The following TCF4 variants were observed in gnomAD, a reference collection of about 807,000 sequenced individuals.
TCF4 encodes SL3-3 enhancer factor 2.
In TCF4, 3 loss-of-function variants were observed where a neutral mutation model predicts 82.1. The ratio of observed to expected loss-of-function variants is 0.04; its 90% CI spans 0.02 to 0.09. TCF4 has a LOEUF of 0.09. Among genes scored for constraint, TCF4 ranks in the 10% least tolerant of loss-of-function variants. The probability of loss-of-function intolerance (pLI) is 1.00; values close to 1 mark genes in which losing one functional copy is unlikely to be tolerated. For synonymous variants in TCF4, 276 were observed against 309.6 expected, an observed-to-expected ratio of 0.89 and a Z score of 1.14; for missense variants, 518 against 852.7, an observed-to-expected ratio of 0.61 and a Z score of 4.89.
chr18:55,224,545 T>C lies in TCF4; in HGVS notation c.*3490A>G, dbSNP rs2046341134. On this transcript the variant is annotated 3_prime_UTR_variant, in exon 20 of 20. Transcript: ENST00000354452. ...TTGGACACAGATCATATTCTGCCTG[T>C]TGGATGCAAAAGATGAAAATCCTCT... 6.6e-6 allele frequency: 1 copy of C among 152,532 alleles called. No homozygotes were observed. Among genetic ancestry groups the C allele is most frequent in the Non-Finnish European group, 1.5e-5 (1 of 68,024 alleles). The allele number at this position is 152,532 out of a possible 1,614,324, so 9.4% of individuals were successfully genotyped here.
chr18:55,546,134 G>C (rs2097205116), intron 3 of TCF4, among the ~76,000 whole-genome samples: 1 of 152,116 alleles, frequency 6.6e-6, no homozygotes, highest in Non-Finnish European at 1.5e-5. Flanking sequence ...CCAGGAGTAA[G>C]AGACCAGCCT....
intron 5 of TCF4, among the ~76,000 whole-genome samples, chr18:55,432,918 A>G (rs564868477): frequency 6.6e-6 from 1 of 152,330 alleles, no homozygotes; most frequent in East Asian, 1.9e-4. Flanking sequence ...ATTAAAAAAT[A>G]ATGATGACAA....
rs1318350095 is a variant in TCF4 at position 55,222,786 on chromosome 18, A to C, written c.*5249T>G. The C allele has an allele frequency of 6.6e-6, 1 of 152,656 alleles. No homozygotes were observed. The highest frequency in any genetic ancestry group is 6.5e-5 in the Admixed American group (1 of 15,282). The allele number at this position is 152,656 out of a possible 1,614,324, so 9.5% of individuals were successfully genotyped here. On this transcript the variant is annotated 3_prime_UTR_variant, in exon 20 of 20. Coordinates refer to ENST00000354452, the MANE Select transcript of TCF4 (RefSeq NM_001083962.2). ...CTACAAAAATATTAACTTACAGTAC[A>C]TAACACTGAATAATTTTAATCTGTA... is the stretch of plus-strand genomic sequence containing the variant.
intron 2 of TCF4, chr18:55,586,160 AG>A (rs2097646979): frequency 4.7e-6 from 1 of 213,652 alleles, no homozygotes; most frequent in Admixed American, 1.6e-4. Flanking sequence ...GAGGAGCAGC[AG>A]CAGCAGCAGC....
At chr18:55,587,958 C>A (rs1465862130) in intron 1 of TCF4, 80 bp downstream of exon 1, 2 of 946,906 alleles carry the variant, frequency 2.1e-6, no homozygotes, top group Non-Finnish European at 2.5e-6. Context: ...GGCGCGGAGC[C>A]GCGTGCGGGG....
At chr18:55,279,440 A>T in intron 9 of TCF4, 111 bp downstream of exon 9, 1 of 1,528,924 alleles carries the variant, frequency 6.5e-7, no homozygotes, top group Non-Finnish European at 8.9e-7. Flanking sequence ...GCATGACTTC[A>T]AAAATTCTAC....
In TCF4 at chr18:55,526,297, C is replaced by T. The variant is rs554486932; in HGVS notation, c.145+58983G>A. On this transcript the variant is annotated intron_variant, in intron 3 of 19. Coordinates refer to ENST00000354452, the MANE Select transcript of TCF4 (RefSeq NM_001083962.2). ...TTCAGAAACATCACCATAATCCAAACCATTAATATCCAGTGCATAACCCAG... is the reference window on the plus strand; with the variant it reads ...TTCAGAAACATCACCATAATCCAAATCATTAATATCCAGTGCATAACCCAG... 2.7e-4 allele frequency among the ~76,000 whole-genome samples: 41 copies of T among 152,296 alleles called. No homozygotes were observed. The South Asian group carries it at 8.3e-3, about 31-fold the overall frequency.
intron 8 of TCF4, among the ~76,000 whole-genome samples, chr18:55,298,348 G>A (rs948295906): frequency 3.4e-4 from 52 of 152,174 alleles, no homozygotes; most frequent in African/African-American, 1.2e-3. Context: ...CCAGAATGGT[G>A]TTAGGGCTGA....
intron 8 of TCF4, chr18:55,322,425 GAA>G (rs967879627): frequency 8.8e-3 from 6,780 of 772,524 alleles, no homozygotes; most frequent in Non-Finnish European, 9.1e-3. Flanking sequence ...GGGGAGGGAA[GAA>G]AAAAAAAAAA....
At chr18:55,462,175 T>C (rs913684806) in intron 4 of TCF4, among the ~76,000 whole-genome samples, 1 of 152,286 alleles carries the variant, frequency 6.6e-6, no homozygotes, top group Admixed American at 6.5e-5. Context: ...CCTTTCCTCG[T>C]GTATAACAAT....
At chr18:55,335,332 G>A (rs2078411934) in intron 8 of TCF4, among the ~76,000 whole-genome samples, 1 of 152,182 alleles carries the variant, frequency 6.6e-6, no homozygotes, top group African/African-American at 2.4e-5. Context: ...AATATTGCGT[G>A]TTGTAAAAGA....
At chr18:55,389,844 G>A (rs1263295177) in intron 6 of TCF4, among the ~76,000 whole-genome samples, 1 of 151,922 alleles carries the variant, frequency 6.6e-6, no homozygotes, top group Admixed American at 6.6e-5. Context: ...GGTGACTGGG[G>A]GTCTAGGAGG....
chr18:55,414,751 A>G (rs2094468721), intron 5 of TCF4, among the ~76,000 whole-genome samples: 1 of 152,166 alleles, frequency 6.6e-6, no homozygotes, highest in Admixed American at 6.5e-5. Flanking sequence ...CCTGGGAGTA[A>G]AGAGACCATC....
intron 3 of TCF4, among the ~76,000 whole-genome samples, chr18:55,505,847 C>CATGGAG (rs1013455888): frequency 4.7e-5 from 7 of 149,706 alleles, no homozygotes; most frequent in Admixed American, 3.3e-4. Flanking sequence ...ATAACTATGA[C>CATGGAG]ATGGAGAACC....
At chr18:55,475,423 G>A (rs529970942) in intron 3 of TCF4, among the ~76,000 whole-genome samples, 9 of 152,296 alleles carry the variant, frequency 5.9e-5, no homozygotes, top group South Asian at 2.1e-4. Flanking sequence ...TGCCCCTCAT[G>A]TGCTATGCCA....
chr18:55,341,863 G>A (rs1603232035), intron 8 of TCF4, among the ~76,000 whole-genome samples: 4 of 152,042 alleles, frequency 2.6e-5, no homozygotes, highest in South Asian at 2.1e-4. Flanking sequence ...AAGGCTACAC[G>A]GTATACTCTT....
intron 15 of TCF4, among the ~76,000 whole-genome samples, chr18:55,238,700 C>G (rs893441763): frequency 7.2e-6 from 1 of 139,490 alleles, no homozygotes; most frequent in Non-Finnish European, 1.5e-5. Flanking sequence ...CAGCCTCTCT[C>G]CTCTCTCTGG....
intron 5 of TCF4, among the ~76,000 whole-genome samples, chr18:55,430,793 C>T (rs2095167437): frequency 6.6e-6 from 1 of 152,058 alleles, no homozygotes; most frequent in Non-Finnish European, 1.5e-5. Flanking sequence ...TGCCAAACTG[C>T]CTTGGAAACT....
At chr18:55,505,506 A>AG (rs2096745305) in intron 3 of TCF4, among the ~76,000 whole-genome samples, 1 of 152,126 alleles carries the variant, frequency 6.6e-6, no homozygotes, top group African/African-American at 2.4e-5. Flanking sequence ...AAGAAAACTG[A>AG]GAAAAAATAG....
Sources: allele counts gnomAD v4.1 joint callset (sites outside exome capture counted in the v4.1 genomes callset), GRCh38; gene constraint gnomAD v4.1.1; transcripts MANE v1.5; gene names NCBI Gene and HGNC (gene_info 2026-07-23, HGNC 2026-07-21).